ZBTB16: variants seen among roughly 807,000 people sequenced by gnomAD.
ZBTB16 encodes the protein zinc finger and BTB domain containing 16.
In ZBTB16, 8 loss-of-function variants were observed where a neutral mutation model predicts 56.8. The ratio of observed to expected loss-of-function variants is 0.14; its 90% CI spans 0.08 to 0.25. The LOEUF is 0.25. ZBTB16 is among the 10% of genes least tolerant of loss of function. The probability of loss-of-function intolerance (pLI) is 1.00; values close to 1 mark genes in which losing one functional copy is unlikely to be tolerated. For synonymous variants in ZBTB16, 363 were observed against 368.5 expected, an observed-to-expected ratio of 0.98 and a Z score of 0.17; for missense variants, 625 against 903.0, an observed-to-expected ratio of 0.69 and a Z score of 3.95.
intron 2 of ZBTB16, among the ~76,000 whole-genome samples, chr11:114,078,748 C>T (rs898573623): frequency 6.6e-5 from 10 of 151,414 alleles, no homozygotes; most frequent in South Asian, 2.1e-4. Context: ...AGGGGGCGGG[C>T]GTGGTATTTT....
At chr11:114,061,057 T>C (rs1938831919) in intron 1 of ZBTB16, among the ~76,000 whole-genome samples, 1 of 151,984 alleles carries the variant, frequency 6.6e-6, no homozygotes, top group Admixed American at 6.5e-5. Context: ...AGCTCAGCTC[T>C]CCTTCTTTCA....
chr11:114,185,364 T>C (rs1311066777), intron 3 of ZBTB16, among the ~76,000 whole-genome samples: 1 of 152,156 alleles, frequency 6.6e-6, no homozygotes, highest in Admixed American at 6.5e-5. Context: ...GATGGAAGAA[T>C]GGGACTGAGC....
At chr11:114,179,685 G>A (rs907428954) in intron 3 of ZBTB16, among the ~76,000 whole-genome samples, 1 of 152,076 alleles carries the variant, frequency 6.6e-6, no homozygotes, top group Non-Finnish European at 1.5e-5. Context: ...TATTAGCATG[G>A]GGGTGGGAGA....
At chr11:114,183,869 A>G (rs980461902) in intron 3 of ZBTB16, among the ~76,000 whole-genome samples, 2 of 152,194 alleles carry the variant, frequency 1.3e-5, no homozygotes, top group Admixed American at 1.3e-4. Context: ...CTGTGAACAC[A>G]TGTCATGACT....
At chr11:114,100,801 C>G (rs148322610) in intron 2 of ZBTB16, among the ~76,000 whole-genome samples, 7 of 152,290 alleles carry the variant, frequency 4.6e-5, no homozygotes, top group African/African-American at 1.7e-4. Context: ...ACCGCAGGAC[C>G]AGACAGTGAC....
chr11:114,132,906 G>A (rs1401259791), intron 2 of ZBTB16, among the ~76,000 whole-genome samples: 2 of 152,076 alleles, frequency 1.3e-5, no homozygotes, highest in Admixed American at 6.6e-5. Flanking sequence ...TGAGATAGAA[G>A]TGTATTTATA....
At chr11:114,128,318 C>A (rs1389400930) in intron 2 of ZBTB16, among the ~76,000 whole-genome samples, 3 of 152,202 alleles carry the variant, frequency 2.0e-5, no homozygotes. Flanking sequence ...CCAGCCTGAA[C>A]ACCCGGGAGC....
At chr11:114,185,546 A>G (rs189584393) in intron 3 of ZBTB16, among the ~76,000 whole-genome samples, 2 of 152,204 alleles carry the variant, frequency 1.3e-5, no homozygotes, top group Non-Finnish European at 2.9e-5. Flanking sequence ...CTTCTTGAGT[A>G]AGAACGTGTG....
intron 2 of ZBTB16, among the ~76,000 whole-genome samples, chr11:114,101,998 G>A: frequency 6.6e-6 from 1 of 152,220 alleles, no homozygotes; most frequent in East Asian, 1.9e-4. Flanking sequence ...ATGTCTCTGG[G>A]ATGGTCATGT....
At chr11:114,069,182 T>A (rs762826745) in intron 2 of ZBTB16, among the ~76,000 whole-genome samples, 1 of 152,206 alleles carries the variant, frequency 6.6e-6, no homozygotes. Context: ...GCCTCCCAGG[T>A]TCACGCTATT....
chr11:114,234,820 C>T (rs1944529279), intron 4 of ZBTB16, among the ~76,000 whole-genome samples: 1 of 152,208 alleles, frequency 6.6e-6, no homozygotes, highest in Non-Finnish European at 1.5e-5. Flanking sequence ...TTGCCTCTGC[C>T]TCTCTTTCTC....
At chr11:114,145,901 A>G (rs1372598695) in intron 2 of ZBTB16, among the ~76,000 whole-genome samples, 6 of 152,246 alleles carry the variant, frequency 3.9e-5, no homozygotes, top group Non-Finnish European at 8.8e-5. Flanking sequence ...TTCTGCCTTA[A>G]TGTAACTTAT....
chr11:114,185,730 C>T (rs1943346545), intron 3 of ZBTB16, among the ~76,000 whole-genome samples: 1 of 152,062 alleles, frequency 6.6e-6, no homozygotes, highest in Non-Finnish European at 1.5e-5. Flanking sequence ...AATGCATCTA[C>T]CAGACATCTT....
chr11:114,246,053 T>C (rs1425132763), intron 5 of ZBTB16, among the ~76,000 whole-genome samples: 2 of 152,198 alleles, frequency 1.3e-5, no homozygotes, highest in African/African-American at 2.4e-5. Context: ...AAGATGGTTA[T>C]TCTCCACACC....
chr11:114,255,135 T>C lies in ZBTB16; in HGVS notation c.*4580T>C, dbSNP rs1944979012. ...TATATATATATATGTATGTAAATTA[T>C]AGCACTGAGGGCCCTGCTGCCCTGC... On this transcript the variant is annotated 3_prime_UTR_variant, in exon 7 of 7. Transcript: ENST00000335953. 6.6e-6 allele frequency among the ~76,000 whole-genome samples: 1 copy of C among 152,176 alleles called. No homozygotes were observed. Among genetic ancestry groups the C allele is most frequent in the Non-Finnish European group, 1.5e-5 (1 of 68,026 alleles).
Position 114,164,881 on chromosome 11 carries a change from A to G in ZBTB16, c.1366+8447A>G, listed in dbSNP as rs551535491. 1.7e-4 allele frequency among the ~76,000 whole-genome samples: 25 copies of G among 147,952 alleles called. No homozygotes were observed. The East Asian group carries it at 2.8e-3, about 17-fold the overall frequency. ...TCTCTTCTCCTTCTATTTCTCCCCAATCTGCTTTCATCTCACTTCATCTCT... is the reference window on the plus strand; with the variant it reads ...TCTCTTCTCCTTCTATTTCTCCCCAGTCTGCTTTCATCTCACTTCATCTCT... On this transcript the variant is annotated intron_variant, in intron 3 of 6. Coordinates refer to ENST00000335953, the MANE Select transcript of ZBTB16 (RefSeq NM_006006.6).
At chr11:114,117,560 G>A (rs140903711) in intron 2 of ZBTB16, among the ~76,000 whole-genome samples, 1 of 151,954 alleles carries the variant, frequency 6.6e-6, no homozygotes, top group African/African-American at 2.4e-5. Context: ...GGAAGGAGTT[G>A]GTTGAGACTC....
At chr11:114,175,817 G>T (rs1943095939) in intron 3 of ZBTB16, among the ~76,000 whole-genome samples, 1 of 152,034 alleles carries the variant, frequency 6.6e-6, no homozygotes, top group South Asian at 2.1e-4. Context: ...ATGTCATTTG[G>T]CAGGAGTGTC....
At chr11:114,194,652 G>T (rs139565842) in intron 4 of ZBTB16, among the ~76,000 whole-genome samples, 182 of 152,288 alleles carry the variant, frequency 1.2e-3, no homozygotes, top group Middle Eastern at 6.8e-3. Context: ...GGCAGTTCCC[G>T]AGATGCTTGT....
Sources: gnomAD v4.1 joint callset for allele counts (sites outside exome capture counted in the v4.1 genomes callset) on GRCh38, gnomAD v4.1.1 for gene constraint, MANE v1.5 for transcripts, NCBI Gene and HGNC (gene_info 2026-07-23, HGNC 2026-07-21) for gene names.